Variants in SLC37A1 observed in about 807,000 individuals in gnomAD.
SLC37A1 encodes glucose-6-phosphate exchanger SLC37A1.
SLC37A1 carries 49 observed loss-of-function variants against 75.3 expected under a neutral mutation model. The ratio of observed to expected loss-of-function variants is 0.65; its 90% CI spans 0.52 to 0.83. The LOEUF is 0.83. SLC37A1 is among the 40% of genes least tolerant of loss of function. The pLI, the probability that SLC37A1 is intolerant of heterozygous loss-of-function variation, is 0.00. For missense variants in SLC37A1, 566 were observed against 695.0 expected, an observed-to-expected ratio of 0.81 and a Z score of 2.09; for synonymous variants, 268 against 292.1, an observed-to-expected ratio of 0.92 and a Z score of 0.84.
Position 42,554,071 on chromosome 21 carries a change from G to A in SLC37A1, c.778G>A (p.Gly260Ser), listed in dbSNP as rs375208515. ...CSSTLVTHSK[G>S]YENGTNRLRL... ...CTTTTTTTTTTACCAGCACTCAAAA[G>A]GCTATGAGAATGGTACAAACAGATT... is the stretch of plus-strand genomic sequence containing the variant. The change falls in exon 10 of 20, where the codon GGC becomes AGC. Residue 260 changes from glycine (G) to serine (S), a missense_variant. By Grantham distance (56) the Gly-to-Ser change is moderately conservative (BLOSUM62 0). Transcript: ENST00000352133. 2.0e-5 allele frequency: 33 copies of A among 1,610,214 alleles called. No individual in the cohort carries two copies. The highest frequency in any genetic ancestry group is 2.8e-5 in the Non-Finnish European group (33 of 1,178,314).
chr21:42,533,025 G>C (rs117324463), intron 3 of SLC37A1, among the ~76,000 whole-genome samples: 5,820 of 152,288 alleles, frequency 0.038, 146 homozygotes, highest in Middle Eastern at 0.085. Context: ...TGTAAATCAG[G>C]GTGTCTAGCT....
intron 18 of SLC37A1, chr21:42,575,485 T>G: frequency 2.0e-6 from 2 of 985,462 alleles, no homozygotes; most frequent in Non-Finnish European, 2.4e-6. Flanking sequence ...CCCCCTTTTC[T>G]CTGGGCTCCT....
chr21:42,522,214 G>T (rs1432898019), intron 2 of SLC37A1, among the ~76,000 whole-genome samples: 1 of 152,198 alleles, frequency 6.6e-6, no homozygotes, highest in Non-Finnish European at 1.5e-5. Flanking sequence ...ATAAGGTCAC[G>T]TTCTGAGGTT....
chr21:42,572,503 A>G (rs1170830129), intron 17 of SLC37A1, among the ~76,000 whole-genome samples: 1 of 150,872 alleles, frequency 6.6e-6, no homozygotes, highest in Non-Finnish European at 1.5e-5. Flanking sequence ...TCTTTCTTAC[A>G]CTTTCTCAGG....
chr21:42,549,550 T>C (rs2055505840), intron 9 of SLC37A1, among the ~76,000 whole-genome samples: 1 of 152,222 alleles, frequency 6.6e-6, no homozygotes, highest in Admixed American at 6.5e-5. Flanking sequence ...GGCTGATATC[T>C]GGGGATATTT....
At chr21:42,554,897 G>A (rs112751325) in intron 10 of SLC37A1, among the ~76,000 whole-genome samples, 21,252 of 151,840 alleles carry the variant, frequency 0.14, 2,123 homozygotes, top group African/African-American at 0.28. Context: ...AAGCTGCAGC[G>A]GGCATTTTAA....
intron 17 of SLC37A1, among the ~76,000 whole-genome samples, chr21:42,570,884 C>T (rs2056144065): frequency 6.6e-6 from 1 of 152,192 alleles, no homozygotes; most frequent in South Asian, 2.1e-4. Context: ...TGGCCCCTCA[C>T]AAGGAAGGTG....
At chr21:42,520,326 T>C (rs2054617486) in intron 2 of SLC37A1, among the ~76,000 whole-genome samples, 1 of 152,202 alleles carries the variant, frequency 6.6e-6, no homozygotes, top group Non-Finnish European at 1.5e-5. Context: ...CCTTTTTTCA[T>C]CTTTTCTGAC....
intron 13 of SLC37A1, among the ~76,000 whole-genome samples, chr21:42,564,165 G>A (rs1601756599): frequency 2.7e-5 from 4 of 147,486 alleles, no homozygotes; most frequent in Admixed American, 2.1e-4. Context: ...TGGGAGGATC[G>A]CTTGAGGTCT....
intron 2 of SLC37A1, among the ~76,000 whole-genome samples, chr21:42,522,563 A>G (rs1356667469): frequency 6.6e-6 from 1 of 152,200 alleles, no homozygotes; most frequent in African/African-American, 2.4e-5. Context: ...TGCGTCCCCC[A>G]TCCCCAAGCC....
chr21:42,522,036 G>T (rs1011828589), intron 2 of SLC37A1, among the ~76,000 whole-genome samples: 2 of 152,200 alleles, frequency 1.3e-5, no homozygotes, highest in African/African-American at 4.8e-5. Flanking sequence ...GTTCTTGGCT[G>T]GTGGCTGCAT....
chr21:42,550,007 T>A (rs2055517915), intron 9 of SLC37A1, among the ~76,000 whole-genome samples: 1 of 152,240 alleles, frequency 6.6e-6, no homozygotes, highest in Non-Finnish European at 1.5e-5. Flanking sequence ...CTCCTGCTGA[T>A]GTATTTTGCA....
intron 3 of SLC37A1, among the ~76,000 whole-genome samples, chr21:42,531,991 C>T (rs2054995499): frequency 6.6e-6 from 1 of 152,082 alleles, no homozygotes; most frequent in South Asian, 2.1e-4. Flanking sequence ...GGCGGAGGGC[C>T]AGAGAGGCAC....
intron 8 of SLC37A1, among the ~76,000 whole-genome samples, chr21:42,544,656 C>T (rs1279199080): frequency 1.3e-5 from 2 of 152,240 alleles, no homozygotes; most frequent in African/African-American, 4.8e-5. Flanking sequence ...GGCCACACCC[C>T]AAACAGCCTG....
intron 11 of SLC37A1, among the ~76,000 whole-genome samples, chr21:42,560,058 G>T (rs1018453473): frequency 1.3e-5 from 2 of 152,100 alleles, no homozygotes; most frequent in African/African-American, 4.8e-5. Flanking sequence ...GGTGCTGCTG[G>T]CCTTGCCTCC....
At chr21:42,563,300 C>T (rs2055880502) in intron 12 of SLC37A1, among the ~76,000 whole-genome samples, 1 of 152,200 alleles carries the variant, frequency 6.6e-6, no homozygotes, top group South Asian at 2.1e-4. Flanking sequence ...TCTGTCCATG[C>T]CATTGATGAT....
intron 2 of SLC37A1, among the ~76,000 whole-genome samples, chr21:42,523,351 C>G (rs1752896301): frequency 6.6e-6 from 1 of 152,216 alleles, no homozygotes. Flanking sequence ...CCTTACTTGC[C>G]CTAGTCAGCT....
intron 17 of SLC37A1, among the ~76,000 whole-genome samples, chr21:42,572,969 G>A (rs2056221735): frequency 6.6e-6 from 1 of 152,212 alleles, no homozygotes; most frequent in Non-Finnish European, 1.5e-5. Flanking sequence ...TCTCCAGGCA[G>A]TGGGACCCTG....
chr21:42,519,960 GTGTT>G (rs59285718), intron 2 of SLC37A1, among the ~76,000 whole-genome samples: 2,825 of 150,116 alleles, frequency 0.019, 60 homozygotes, highest in African/African-American at 0.059. Context: ...CCTCCACAGT[GTGTT>G]TGTGTGTGTG....
Sources: allele counts gnomAD v4.1 joint callset (sites outside exome capture counted in the v4.1 genomes callset), GRCh38; gene constraint gnomAD v4.1.1; transcripts MANE v1.5; gene names NCBI Gene and HGNC (gene_info 2026-07-23, HGNC 2026-07-21).